Variants in GLYATL3 observed in about 807,000 individuals in gnomAD.
The protein encoded by GLYATL3 is glycine-N-acyltransferase like 3.
A neutral mutation model predicts 28.5 loss-of-function variants in GLYATL3; 31 were observed. That is an observed-to-expected ratio of 1.09 (90% CI 0.82 to 1.47). The LOEUF is 1.47. Among genes scored for constraint, GLYATL3 ranks in the 40% most tolerant of loss-of-function variants. GLYATL3 has a pLI of 0.00. For missense variants in GLYATL3, 369 were observed against 351.5 expected, an observed-to-expected ratio of 1.05 and a Z score of -0.40; for synonymous variants, 141 against 140.2, an observed-to-expected ratio of 1.01 and a Z score of -0.04.
At chr6:49,523,191 G>A (rs1769345552) in intron 5 of GLYATL3, among the ~76,000 whole-genome samples, 1 of 152,198 alleles carries the variant, frequency 6.6e-6, no homozygotes, top group Non-Finnish European at 1.5e-5. Context: ...CCAGGCACAA[G>A]CTTCCAAGAG....
At chr6:49,511,178 C>T (rs901593583) in intron 1 of GLYATL3, among the ~76,000 whole-genome samples, 6 of 152,050 alleles carry the variant, frequency 3.9e-5, no homozygotes, top group Non-Finnish European at 7.4e-5. Flanking sequence ...TTCTTTAATT[C>T]AGTCCATCCC....
chr6:49,514,070 A>G (rs996192830), intron 2 of GLYATL3, among the ~76,000 whole-genome samples: 1 of 152,248 alleles, frequency 6.6e-6, no homozygotes, highest in East Asian at 1.9e-4. Flanking sequence ...TTTAATTATG[A>G]AATTTAATTA....
chr6:49,516,461 A>G lies in GLYATL3; in HGVS notation c.186+701A>G, dbSNP rs1769216542. Among the ~76,000 whole-genome samples, 3 of 152,158 alleles carry G rather than the reference A, an allele frequency of 2.0e-5. No homozygotes were observed. The South Asian group carries it at 6.2e-4, about 32-fold the overall frequency. ...ATGTGGGTATTTGGAAGAAGAGTGA[A>G]GACAACATCTGCCCCGAGACCAAGG... On this transcript the variant is annotated intron_variant, in intron 3 of 5. Coordinates refer to ENST00000371197, the MANE Select transcript of GLYATL3 (RefSeq NM_001010904.2).
chr6:49,512,129 C>T, intron 2 of GLYATL3, 61 bp downstream of exon 2: 1 of 825,056 alleles, frequency 1.2e-6, no homozygotes, highest in South Asian at 1.9e-5. Flanking sequence ...AAAATAATGT[C>T]AAACTTGTGG....
Position 49,526,706 on chromosome 6 carries a change from A to G in GLYATL3, c.659A>G (p.Glu220Gly). ...ATGTGCCATGGCTACACCCTGCCAG[A>G]ACATCGCAGGAAAGGTTACAGCCGG... Reference protein sequence around the residue: ...ATMCHGYTLPEHRRKGYSRLV... With the variant: ...ATMCHGYTLPGHRRKGYSRLV... The change falls in exon 6 of 6, where the codon GAA becomes GGA. Residue 220 changes from glutamate to glycine, a missense_variant. Glu to Gly is a moderately conservative substitution (Grantham distance 98, BLOSUM62 -2). Transcript: ENST00000371197. The G allele has an allele frequency of 1.9e-6, 3 of 1,551,760 alleles. No homozygotes were observed. The highest frequency in any genetic ancestry group is 2.6e-6 in the Non-Finnish European group (3 of 1,147,000).
intron 2 of GLYATL3, among the ~76,000 whole-genome samples, chr6:49,512,655 CA>C (rs1769146014): frequency 6.6e-6 from 1 of 152,148 alleles, no homozygotes; most frequent in Admixed American, 6.5e-5. Context: ...GTTATAAATG[CA>C]GTGAAATTGC....
At chr6:49,513,441 T>C (rs1013814274) in intron 2 of GLYATL3, among the ~76,000 whole-genome samples, 15 of 152,218 alleles carry the variant, frequency 9.9e-5, no homozygotes, top group Admixed American at 4.6e-4. Context: ...ATAAGTTATG[T>C]TTTTTCTTTC....
At chr6:49,507,194 G>A (rs771217914) in intron 1 of GLYATL3, among the ~76,000 whole-genome samples, 11 of 152,058 alleles carry the variant, frequency 7.2e-5, no homozygotes, top group Non-Finnish European at 1.2e-4. Context: ...CAAGGTAAAG[G>A]GAGCAGTTCA....
At position 49,508,213 on chromosome 6, in the gene GLYATL3, G is replaced by A. The variant is rs574739576; in HGVS notation, c.-28-3750G>A. ...CGGGAGGCTGAGGCAGGAGAATGGC[G>A]TGAACCCGGGAGGCAGAGCTTGCAC... On this transcript the variant is annotated intron_variant, in intron 1 of 5. Transcript: ENST00000371197. Among the ~76,000 whole-genome samples the A allele has an allele frequency of 1.1e-3, 165 of 151,990 alleles. 1 individual carries two copies. The highest frequency in any genetic ancestry group is 7.0e-4 in the African/African-American group (29 of 41,464).
intron 1 of GLYATL3, among the ~76,000 whole-genome samples, chr6:49,508,616 G>A (rs1769059108): frequency 6.6e-6 from 1 of 152,164 alleles, no homozygotes; most frequent in East Asian, 1.9e-4. Context: ...CCAGAGCTAT[G>A]AATATCTGCT....
chr6:49,507,492 A>C (rs1283991004), intron 1 of GLYATL3, among the ~76,000 whole-genome samples: 2 of 152,200 alleles, frequency 1.3e-5, no homozygotes, highest in African/African-American at 4.8e-5. Context: ...AAGACAGATA[A>C]GCCTGGTGTT....
chr6:49,515,568 A>T, intron 2 of GLYATL3, 85 bp from the exon 3 acceptor site: 2 of 744,446 alleles, frequency 2.7e-6, no homozygotes, highest in Non-Finnish European at 4.8e-6. Flanking sequence ...ACATGATTAC[A>T]CAGTAGAACA....
intron 5 of GLYATL3, among the ~76,000 whole-genome samples, chr6:49,524,894 C>T (rs916914551): frequency 1.4e-5 from 2 of 147,934 alleles, no homozygotes; most frequent in South Asian, 2.1e-4. Context: ...GCAGGAGAAT[C>T]GCTTGAACTC....
chr6:49,501,584 G>C (rs192045608), intron 1 of GLYATL3, among the ~76,000 whole-genome samples: 45 of 152,324 alleles, frequency 3.0e-4, no homozygotes, highest in African/African-American at 1.1e-3. Context: ...TATAGTGTGT[G>C]CATCAGTAAT....
intron 4 of GLYATL3, among the ~76,000 whole-genome samples, chr6:49,519,219 T>G (rs912513570): frequency 3.3e-5 from 5 of 152,194 alleles, no homozygotes; most frequent in Admixed American, 2.6e-4. Flanking sequence ...CAATCCATCA[T>G]TATATAGAAA....
chr6:49,518,654 T>A (rs1201941675), intron 4 of GLYATL3, among the ~76,000 whole-genome samples: 5 of 152,080 alleles, frequency 3.3e-5, no homozygotes, highest in African/African-American at 9.7e-5. Flanking sequence ...ATAAAATTTA[T>A]TCGTAGTCAG....
At chr6:49,509,952 TTC>T (rs1391486485) in intron 1 of GLYATL3, among the ~76,000 whole-genome samples, 5,645 of 49,572 alleles carry the variant, frequency 0.11, 191 homozygotes, top group Non-Finnish European at 0.19. Context: ...TTCTTTCTCT[TTC>T]TTTCTTTCTT....
intron 3 of GLYATL3, among the ~76,000 whole-genome samples, chr6:49,516,910 C>A (rs1396729075): frequency 6.6e-6 from 1 of 151,454 alleles, no homozygotes; most frequent in South Asian, 2.1e-4. Flanking sequence ...GTAATGCCAA[C>A]ACTTTGGGAG....
intron 2 of GLYATL3, among the ~76,000 whole-genome samples, chr6:49,514,906 T>C (rs1015379948): frequency 1.3e-5 from 2 of 151,498 alleles, no homozygotes; most frequent in African/African-American, 4.9e-5. Flanking sequence ...TGTCGCAAAA[T>C]AATAATAATA....
Sources: gnomAD v4.1 joint callset for allele counts (sites outside exome capture counted in the v4.1 genomes callset) on GRCh38, gnomAD v4.1.1 for gene constraint, MANE v1.5 for transcripts, NCBI Gene and HGNC (gene_info 2026-07-23, HGNC 2026-07-21) for gene names.